Variants in MTUS1 observed in about 807,000 individuals in gnomAD.
MTUS1 encodes microtubule-associated tumor suppressor 1.
Under a neutral mutation model 120.8 loss-of-function variants are expected in MTUS1, and 109 were observed. The ratio of observed to expected loss-of-function variants is 0.90; its 90% CI spans 0.77 to 1.06. The LOEUF (loss-of-function observed/expected upper bound fraction) is 1.06. Ranked by LOEUF, MTUS1 falls within the 50% of genes least tolerant of loss-of-function variation. The pLI is 0.00. For missense variants in MTUS1, 2,210 were observed against 1,486.3 expected (o/e 1.49, Z -8.01); for synonymous variants, 737 against 550.5 (o/e 1.34, Z -4.74).
rs531079305 is a variant in MTUS1 at position 17,649,762 on chromosome 8, A to G, written c.3501+84T>C. ...AATATCTTTAGGAGCAGTTAACCCA[A>G]CTCCACAGTTCTAAAATGCAGGGCT... On this transcript the variant is annotated intron_variant, in intron 13 of 14. Coordinates refer to ENST00000693296, the MANE Select transcript of MTUS1 (RefSeq NM_001363059.2). 1.2e-5 allele frequency: 9 copies of G among 755,934 alleles called. No homozygotes were observed. In the South Asian group the frequency reaches 1.4e-4, roughly 12 times the overall value. The allele number at this position is 755,934 out of a possible 1,614,324, so 46.8% of individuals were successfully genotyped here.
At chr8:17,720,529 C>T (rs551008997) in intron 4 of MTUS1, among the ~76,000 whole-genome samples, 2 of 152,254 alleles carry the variant, frequency 1.3e-5, no homozygotes, top group South Asian at 4.1e-4. Flanking sequence ...TAGCTTTGGT[C>T]TGCACCTCTT....
intron 1 of MTUS1, among the ~76,000 whole-genome samples, chr8:17,792,622 G>A (rs570220182): frequency 3.3e-5 from 5 of 152,356 alleles, no homozygotes; most frequent in African/African-American, 4.8e-5. Context: ...CCAGCACTTT[G>A]GAAGGACAAG....
chr8:17,671,352 A>G (rs924928900), intron 8 of MTUS1, among the ~76,000 whole-genome samples: 10 of 152,194 alleles, frequency 6.6e-5, no homozygotes, highest in Non-Finnish European at 1.3e-4. Context: ...AGCATATTAT[A>G]TTATTTTTCC....
intron 4 of MTUS1, among the ~76,000 whole-genome samples, chr8:17,718,718 A>G (rs1166603263): frequency 6.6e-6 from 1 of 151,974 alleles, no homozygotes; most frequent in African/African-American, 2.4e-5. Context: ...AACTGTCTCA[A>G]TTATGCCAGA....
chr8:17,698,355 G>C (rs2130889303), intron 6 of MTUS1, among the ~76,000 whole-genome samples: 1 of 147,884 alleles, frequency 6.8e-6, no homozygotes, highest in African/African-American at 2.5e-5. Flanking sequence ...CAGTAGAGTG[G>C]CTTGTAAAAG....
At chr8:17,778,902 T>C (rs180770398) in intron 1 of MTUS1, among the ~76,000 whole-genome samples, 26 of 152,320 alleles carry the variant, frequency 1.7e-4, no homozygotes, top group East Asian at 1.2e-3. Flanking sequence ...TTTTATAATA[T>C]TGGATGACAT....
intron 7 of MTUS1, among the ~76,000 whole-genome samples, chr8:17,683,306 G>C (rs1270955670): frequency 1.3e-5 from 2 of 152,024 alleles, no homozygotes; most frequent in Non-Finnish European, 2.9e-5. Context: ...CTGTCTACTA[G>C]TCTGGTAGTT....
intron 3 of MTUS1, among the ~76,000 whole-genome samples, chr8:17,738,589 G>A (rs1050702585): frequency 3.3e-5 from 5 of 152,210 alleles, no homozygotes; most frequent in Non-Finnish European, 7.4e-5. Flanking sequence ...AAGTTCCGGG[G>A]TACATGTGCA....
At position 17,788,336 on chromosome 8, in the gene MTUS1, T is replaced by C. The variant is rs367691029; in HGVS notation, c.-155+12725A>G. On this transcript the variant is annotated intron_variant, in intron 1 of 14. Transcript: ENST00000693296. ...TCTGAGACATATTCATGAATTCTTA[T>C]TGGAATCTACAGATTTTTTCCGCAT... 9.2e-4 allele frequency among the ~76,000 whole-genome samples: 140 copies of C among 152,324 alleles called. 3 individuals are homozygous for C. The South Asian group carries it at 0.028, about 30-fold the overall frequency.
intron 1 of MTUS1, among the ~76,000 whole-genome samples, chr8:17,771,661 A>G (rs1055342421): frequency 6.6e-6 from 1 of 152,256 alleles, no homozygotes; most frequent in African/African-American, 2.4e-5. Context: ...GCAAGCAGGC[A>G]GTCTACGCAT....
At chr8:17,742,311 T>TTTTTTTTTTTTTTTTA (rs1554516969) in intron 3 of MTUS1, among the ~76,000 whole-genome samples, 4 of 139,630 alleles carry the variant, frequency 2.9e-5, no homozygotes, top group East Asian at 2.4e-4. Context: ...TTTTTTTTTT[T>TTTTTTTTTTTTTTTTA]AGAGATAGTG....
At position 17,646,252 on chromosome 8, in the gene MTUS1, C is replaced by A. The variant is rs1805770359; in HGVS notation, c.3600-113G>T. ...CCAAAATTATTCCTTTGGGATAAAA[C>A]AGAATCCTGCACAAGGTCACAGGTA... On this transcript the variant is annotated intron_variant, in intron 14 of 14. Coordinates refer to ENST00000693296, the MANE Select transcript of MTUS1 (RefSeq NM_001363059.2). 2.8e-5 allele frequency: 32 copies of A among 1,149,546 alleles called. No individual in the cohort carries two copies. In the South Asian group the frequency reaches 4.7e-4, roughly 17 times the overall value. The allele number at this position is 1,149,546 out of a possible 1,614,324, so 71.2% of individuals were successfully genotyped here.
intron 2 of MTUS1, among the ~76,000 whole-genome samples, chr8:17,745,421 A>G (rs2047669594): frequency 6.6e-6 from 1 of 152,230 alleles, no homozygotes; most frequent in Non-Finnish European, 1.5e-5. Flanking sequence ...AGCATGTAGT[A>G]AGTTCAAGTT....
chr8:17,737,026 A>G (rs2046982053), intron 3 of MTUS1, among the ~76,000 whole-genome samples: 1 of 152,222 alleles, frequency 6.6e-6, no homozygotes, highest in Admixed American at 6.5e-5. Context: ...AAGAGTTCTT[A>G]GCACAAACCA....
intron 1 of MTUS1, 73 bp from the exon 2 acceptor site, chr8:17,756,034 T>G (rs1256519258): frequency 1.1e-6 from 1 of 882,812 alleles, no homozygotes; most frequent in African/African-American, 1.7e-5. Flanking sequence ...TTTCAATCAC[T>G]AAGTGATTAG....
chr8:17,656,129 T>A, intron 8 of MTUS1, 64 bp from the exon 9 acceptor site: 1 of 1,433,258 alleles, frequency 7.0e-7, no homozygotes, highest in Non-Finnish European at 9.8e-7. Flanking sequence ...CTATATTCAT[T>A]ACAGTCACAC....
chr8:17,729,733 G>A (rs1209209960), intron 3 of MTUS1, among the ~76,000 whole-genome samples: 1 of 151,844 alleles, frequency 6.6e-6, no homozygotes, highest in Non-Finnish European at 1.5e-5. Context: ...ACATGTTAAA[G>A]TAATCTAGAA....
intron 1 of MTUS1, among the ~76,000 whole-genome samples, chr8:17,796,319 A>G (rs2052231050): frequency 6.6e-6 from 1 of 152,306 alleles, no homozygotes; most frequent in Admixed American, 6.5e-5. Flanking sequence ...GAATAAATAC[A>G]TTTTTATTAC....
At chr8:17,760,386 G>C (rs1386575637) in intron 1 of MTUS1, among the ~76,000 whole-genome samples, 1 of 152,018 alleles carries the variant, frequency 6.6e-6, no homozygotes, top group Non-Finnish European at 1.5e-5. Flanking sequence ...ACAGGGATTT[G>C]GATATCAAAA....
Sources: gnomAD v4.1 joint callset for allele counts (sites outside exome capture counted in the v4.1 genomes callset) on GRCh38, gnomAD v4.1.1 for gene constraint, MANE v1.5 for transcripts, NCBI Gene and HGNC (gene_info 2026-07-23, HGNC 2026-07-21) for gene names.